The following CDH13 variants were observed in gnomAD, a reference collection of about 807,000 sequenced individuals.
The protein encoded by CDH13 is cadherin 13, also known as cadherin-13.
A neutral mutation model predicts 63.8 loss-of-function variants in CDH13; 24 were observed. The observed-to-expected ratio is 0.38, with a 90% confidence interval of 0.27 to 0.53. The LOEUF (loss-of-function observed/expected upper bound fraction) is 0.53. CDH13 is among the 20% of genes least tolerant of loss of function. The probability of loss-of-function intolerance (pLI) is 0.85; values close to 1 mark genes in which losing one functional copy is unlikely to be tolerated. For missense variants in CDH13, 1,049 were observed against 903.1 expected, an observed-to-expected ratio of 1.16 and a Z score of -2.07; for synonymous variants, 503 against 355.3, an observed-to-expected ratio of 1.42 and a Z score of -4.67.
intron 2 of CDH13, among the ~76,000 whole-genome samples, chr16:82,898,591 T>C (rs919887596): frequency 2.6e-5 from 4 of 152,156 alleles, no homozygotes; most frequent in Non-Finnish European, 5.9e-5. Context: ...ATGGATGATA[T>C]AGATAGTGGT....
At chr16:83,091,787 C>T (rs1198169417) in intron 3 of CDH13, among the ~76,000 whole-genome samples, 1 of 152,318 alleles carries the variant, frequency 6.6e-6, no homozygotes, top group Non-Finnish European at 1.5e-5. Flanking sequence ...ATAGCAGTGC[C>T]TGGCACATGG....
At chr16:83,623,011 C>G (rs538767712) in intron 8 of CDH13, among the ~76,000 whole-genome samples, 2 of 152,288 alleles carry the variant, frequency 1.3e-5, no homozygotes, top group Admixed American at 1.3e-4. Flanking sequence ...GGAACATGAC[C>G]TAAGGGAAAT....
intron 3 of CDH13, among the ~76,000 whole-genome samples, chr16:83,123,400 C>T (rs1048517981): frequency 1.3e-5 from 2 of 152,070 alleles, no homozygotes; most frequent in African/African-American, 2.4e-5. Flanking sequence ...CTGCCTCAGC[C>T]TCATGAATAG....
rs183059600 is a variant in CDH13 at position 83,049,460 on chromosome 16, G to A, written c.366+17242G>A. ...GGCCATTCTCCTGCCTCATCCTCCC[G>A]AGTAGCTGGGACTACAGGTGCCCAC... On this transcript the variant is annotated intron_variant, in intron 3 of 13. Coordinates refer to ENST00000567109, the MANE Select transcript of CDH13 (RefSeq NM_001257.5). Among the ~76,000 whole-genome samples the A allele has an allele frequency of 1.3e-3, 190 of 150,520 alleles. 3 individuals are homozygous for A. Among genetic ancestry groups the A allele is most frequent in the African/African-American group, 4.3e-3 (177 of 40,922 alleles).
intron 10 of CDH13, among the ~76,000 whole-genome samples, chr16:83,713,169 A>G (rs189213769): frequency 1.6e-3 from 248 of 152,340 alleles, no homozygotes; most frequent in Non-Finnish European, 2.7e-3. Context: ...GGAAAGGAGC[A>G]GCTGCCTGCA....
At chr16:83,293,764 A>C (rs554137819) in intron 5 of CDH13, among the ~76,000 whole-genome samples, 1 of 152,318 alleles carries the variant, frequency 6.6e-6, no homozygotes, top group East Asian at 1.9e-4. Flanking sequence ...GAAAGTATTA[A>C]AAACGAGGAT....
At chr16:82,865,795 C>T (rs1365934705) in intron 2 of CDH13, among the ~76,000 whole-genome samples, 1 of 152,200 alleles carries the variant, frequency 6.6e-6, no homozygotes, top group Admixed American at 6.5e-5. Flanking sequence ...TTGAATTTCT[C>T]CCCAGAAAAT....
intron 8 of CDH13, among the ~76,000 whole-genome samples, chr16:83,660,645 C>G (rs1397428229): frequency 6.6e-6 from 1 of 152,200 alleles, no homozygotes; most frequent in Non-Finnish European, 1.5e-5. Flanking sequence ...ATTCCCTACT[C>G]CTTTAAATAT....
At chr16:83,156,898 T>C (rs913422998) in intron 4 of CDH13, among the ~76,000 whole-genome samples, 5 of 152,224 alleles carry the variant, frequency 3.3e-5, no homozygotes, top group East Asian at 3.9e-4. Flanking sequence ...CCTTCTGACA[T>C]TGCAGATGAA....
At chr16:83,783,973 C>G (rs1454815102) in intron 13 of CDH13, among the ~76,000 whole-genome samples, 1 of 152,120 alleles carries the variant, frequency 6.6e-6, no homozygotes, top group Non-Finnish European at 1.5e-5. Context: ...GTAATAATGA[C>G]TATAATATCA....
chr16:82,802,667 G>A (rs1283790788), intron 1 of CDH13, among the ~76,000 whole-genome samples: 1 of 152,142 alleles, frequency 6.6e-6, no homozygotes, highest in African/African-American at 2.4e-5. Flanking sequence ...TGCATGTTAG[G>A]AAAGAGTACA....
At chr16:83,508,096 GAAAGAAGGAAGGAA>G (rs1291477893) in intron 7 of CDH13, among the ~76,000 whole-genome samples, 7 of 71,532 alleles carry the variant, frequency 9.8e-5, no homozygotes, top group Admixed American at 8.2e-4. Flanking sequence ...AGGAAGGAAG[GAAAGAAGGAAGGAA>G]AAGGAAGGAA....
intron 10 of CDH13, among the ~76,000 whole-genome samples, chr16:83,745,551 C>G (rs941012235): frequency 4.6e-5 from 7 of 152,190 alleles, no homozygotes; most frequent in African/African-American, 7.2e-5. Flanking sequence ...GAATTGCTGT[C>G]TGTCCTGGGT....
At chr16:83,705,892 A>G (rs1256864100) in intron 10 of CDH13, among the ~76,000 whole-genome samples, 1 of 152,188 alleles carries the variant, frequency 6.6e-6, no homozygotes, top group African/African-American at 2.4e-5. Flanking sequence ...AAAACAAAGG[A>G]TTTGTTTAGG....
rs1471930939 is a variant in CDH13, at chr16:83,796,205, A to C, written c.*1175A>C. On this transcript the variant is annotated 3_prime_UTR_variant, in exon 14 of 14. Coordinates refer to ENST00000567109, the MANE Select transcript of CDH13 (RefSeq NM_001257.5). The stretch of plus-strand genomic sequence containing the variant: ...GCGGAAAGTTAGTGCTTGTTCTAAG[A>C]TTACCTTCTTGTTGATAAACCATAA... The C allele has an allele frequency of 6.6e-6, 1 of 152,304 alleles. No individual in the cohort carries two copies. Among genetic ancestry groups the C allele is most frequent in the Non-Finnish European group, 1.5e-5 (1 of 68,040 alleles). The allele number at this position is 152,304 out of a possible 1,614,324, so 9.4% of individuals were successfully genotyped here.
At chr16:82,977,615 T>A (rs1909699793) in intron 2 of CDH13, among the ~76,000 whole-genome samples, 1 of 152,188 alleles carries the variant, frequency 6.6e-6, no homozygotes, top group African/African-American at 2.4e-5. Context: ...CTCCCAGACC[T>A]GCAGAACCGT....
intron 4 of CDH13, among the ~76,000 whole-genome samples, chr16:83,145,005 G>A (rs192166902): frequency 1.3e-3 from 202 of 152,338 alleles, no homozygotes; most frequent in Middle Eastern, 3.4e-3. Context: ...GATGGCCCAT[G>A]TTGCAAATGG....
At chr16:83,432,050 T>C (rs904427125) in intron 6 of CDH13, among the ~76,000 whole-genome samples, 19 of 152,092 alleles carry the variant, frequency 1.2e-4, no homozygotes, top group Non-Finnish European at 1.5e-4. Context: ...AGAAACCAGG[T>C]AGAAGGCTTC....
intron 2 of CDH13, among the ~76,000 whole-genome samples, chr16:82,864,604 A>G (rs979320033): frequency 1.3e-5 from 2 of 152,104 alleles, no homozygotes; most frequent in Non-Finnish European, 1.5e-5. Flanking sequence ...TGCCCCCGTA[A>G]TTCAGTTACC....
Sources: gnomAD v4.1 joint callset for allele counts (sites outside exome capture counted in the v4.1 genomes callset) on GRCh38, gnomAD v4.1.1 for gene constraint, MANE v1.5 for transcripts, NCBI Gene and HGNC (gene_info 2026-07-23, HGNC 2026-07-21) for gene names.